ABCA5: variants seen among roughly 807,000 people sequenced by gnomAD.
The protein encoded by ABCA5 is cholesterol transporter ABCA5.
In ABCA5, 163 loss-of-function variants were observed where a neutral mutation model predicts 206.0. The ratio of observed to expected loss-of-function variants is 0.79; its 90% confidence interval spans 0.70 to 0.90. The LOEUF (loss-of-function observed/expected upper bound fraction) is 0.90, where lower values mean the gene tolerates loss of function less well. Among genes scored for constraint, ABCA5 ranks in the 40% least tolerant of loss-of-function variants. ABCA5 has a pLI of 0.00. For missense variants in ABCA5, 1,859 were observed against 1,912.9 expected (o/e 0.97, Z 0.53); for synonymous variants, 609 against 613.8 (o/e 0.99, Z 0.11).
chr17:69,284,037 C>G lies in ABCA5; in HGVS notation c.2308G>C (p.Gly770Arg). The G allele has an allele frequency of 6.2e-7, 1 of 1,603,614 alleles. No homozygotes were observed. Among genetic ancestry groups the G allele is most frequent in the Non-Finnish European group, 8.5e-7 (1 of 1,175,686 alleles). Residue 770 changes from glycine to arginine, a missense_variant, in exon 18 of 39, where the codon GGT becomes CGT. By Grantham distance (125) the Gly-to-Arg change is moderately radical. Coordinates refer to ENST00000392676, the MANE Select transcript of ABCA5 (RefSeq NM_172232.4). ...ATGGAAACACCATAAGAAATGACAC[C>G]CAAATTTGAATGACTGTCTAGGGCA... ...FSALDSHSNL[G>R]VISYGVSMTT...
At chr17:69,321,788 A>G (rs2075867422) in intron 1 of ABCA5, among the ~76,000 whole-genome samples, 1 of 152,188 alleles carries the variant, frequency 6.6e-6, no homozygotes. Context: ...GTTATTTTCC[A>G]TACTTCCACA....
intron 9 of ABCA5, among the ~76,000 whole-genome samples, chr17:69,300,212 A>T (rs2075637779): frequency 6.6e-6 from 1 of 152,210 alleles, no homozygotes; most frequent in Non-Finnish European, 1.5e-5. Flanking sequence ...TTAGATTCTC[A>T]TAAGAAGCAT....
chr17:69,274,496 T>C (rs1037457360), intron 19 of ABCA5, among the ~76,000 whole-genome samples: 4 of 151,844 alleles, frequency 2.6e-5, no homozygotes, highest in Non-Finnish European at 5.9e-5. Flanking sequence ...AGTGCTGGGA[T>C]TGCAGGTGTG....
At chr17:69,297,160 T>C (rs1431445402) in intron 10 of ABCA5, 31 bp downstream of exon 10, 2 of 1,592,258 alleles carry the variant, frequency 1.3e-6, no homozygotes, top group Admixed American at 1.8e-5. Flanking sequence ...CAGCAGTTCT[T>C]ATACCTAAAT....
intron 3 of ABCA5, among the ~76,000 whole-genome samples, chr17:69,311,140 G>A (rs777777441): frequency 6.6e-6 from 1 of 152,038 alleles, no homozygotes; most frequent in Non-Finnish European, 1.5e-5. Context: ...GCTGCAGTGA[G>A]CTGAGATCAC....
In ABCA5 at chr17:69,270,662, T is replaced by C. The variant is rs1248157490; in HGVS notation, c.2981A>G (p.His994Arg). ...CTGGATGGTTTCAGTCACATTTAAA[T>C]GATAAAGATAGTAGTTACTAATGAT... Reference protein sequence around the residue: ...VNIISNYYLYHLNVTETIQIW... With the variant: ...VNIISNYYLYRLNVTETIQIW... The change falls in exon 22 of 39, where the codon CAT (histidine) becomes CGT (arginine). Residue 994 changes from histidine to arginine, a missense_variant. Transcript: ENST00000392676. The C allele has an allele frequency of 6.2e-7, 1 of 1,603,550 alleles. No homozygotes were observed. Among genetic ancestry groups the C allele is most frequent in the Non-Finnish European group, 8.5e-7 (1 of 1,176,014 alleles).
intron 18 of ABCA5, among the ~76,000 whole-genome samples, chr17:69,278,916 C>A (rs2075361376): frequency 6.6e-6 from 1 of 151,132 alleles, no homozygotes; most frequent in Admixed American, 6.6e-5. Flanking sequence ...ATGACAAACC[C>A]ACAGCCAATA....
chr17:69,310,227 G>A (rs1320081205), intron 3 of ABCA5, among the ~76,000 whole-genome samples: 1 of 151,966 alleles, frequency 6.6e-6, no homozygotes, highest in Non-Finnish European at 1.5e-5. Flanking sequence ...TCAAACTTCA[G>A]GGGTCAAGAG....
At chr17:69,253,527 T>C (rs771439312) in intron 34 of ABCA5, 46 bp downstream of exon 34, 1 of 1,293,160 alleles carries the variant, frequency 7.7e-7, no homozygotes, top group Admixed American at 2.0e-5. Flanking sequence ...AAAGAAACTG[T>C]TCTATTCTAA....
intron 14 of ABCA5, 141 bp downstream of exon 14, chr17:69,289,035 AT>A: frequency 2.5e-6 from 2 of 812,378 alleles, no homozygotes; most frequent in African/African-American, 1.8e-5. Context: ...TTAAAATCTC[AT>A]TACTATGATT....
rs111925184 is a variant in ABCA5 at position 69,301,125 on chromosome 17, A to G, written c.1267+14T>C. On this transcript the variant is annotated intron_variant, in intron 9 of 38. Coordinates refer to ENST00000392676, the MANE Select transcript of ABCA5 (RefSeq NM_172232.4). ...AAAAATCTTTAAAGTAAAATTCAAA[A>G]ACCATCTGCATACCTGGAATGACTT... 6.7e-7 allele frequency: 1 copy of G among 1,489,472 alleles called. No homozygotes were observed. 92.3% of individuals were successfully genotyped at this position (1,489,472 alleles called of 1,614,324 possible). A position where few individuals can be genotyped will look rare whatever the true frequency, so the allele number is the denominator to read the frequency against.
At chr17:69,286,061 T>A in intron 16 of ABCA5, 24 bp from the exon 17 acceptor site, 1 of 1,595,214 alleles carries the variant, frequency 6.3e-7, no homozygotes, top group African/African-American at 1.4e-5. Flanking sequence ...AAAATCACAA[T>A]TAATGATTAT....
At chr17:69,256,508 T>C (rs1436036013) in intron 28 of ABCA5, among the ~76,000 whole-genome samples, 2 of 150,672 alleles carry the variant, frequency 1.3e-5, no homozygotes, top group Non-Finnish European at 3.0e-5. Context: ...CAGGCTGGAG[T>C]GCAGTGGTAC....
intron 28 of ABCA5, among the ~76,000 whole-genome samples, chr17:69,257,789 C>G (rs774886438): frequency 3.3e-5 from 5 of 150,874 alleles, no homozygotes; most frequent in Non-Finnish European, 7.4e-5. Flanking sequence ...TTTTGAGATC[C>G]AGAAAGGAAA....
intron 3 of ABCA5, among the ~76,000 whole-genome samples, chr17:69,310,785 T>A (rs2075760510): frequency 6.6e-6 from 1 of 152,224 alleles, no homozygotes; most frequent in Non-Finnish European, 1.5e-5. Flanking sequence ...ATTAACTGTG[T>A]GAGCACAGAC....
chr17:69,306,529 TCC>T (rs1168723782), intron 6 of ABCA5, among the ~76,000 whole-genome samples, 194 bp downstream of exon 6: 2 of 152,078 alleles, frequency 1.3e-5, no homozygotes, highest in Non-Finnish European at 2.9e-5. Context: ...ACATTCTTCA[TCC>T]CTTATGTTAA....
chr17:69,253,022 C>G (rs186760413), intron 34 of ABCA5, among the ~76,000 whole-genome samples: 2 of 151,886 alleles, frequency 1.3e-5, no homozygotes, highest in Admixed American at 6.6e-5. Flanking sequence ...TTACAACTGC[C>G]TACAGTATTC....
chr17:69,314,253 G>GA, intron 2 of ABCA5, 61 bp downstream of exon 2: 1 of 983,542 alleles, frequency 1.0e-6, no homozygotes, highest in Non-Finnish European at 1.5e-6. Context: ...ATCACTTCAA[G>GA]ATAGAATATA....
At chr17:69,282,133 C>T (rs570800671) in intron 18 of ABCA5, among the ~76,000 whole-genome samples, 1 of 152,100 alleles carries the variant, frequency 6.6e-6, no homozygotes, top group East Asian at 1.9e-4. Flanking sequence ...TCACCGTCCT[C>T]TGTTACCAAA....
Sources: gnomAD v4.1 joint callset for allele counts (sites outside exome capture counted in the v4.1 genomes callset) on GRCh38, gnomAD v4.1.1 for gene constraint, MANE v1.5 for transcripts, NCBI Gene and HGNC (gene_info 2026-07-23, HGNC 2026-07-21) for gene names.